DENND1B: variants seen among roughly 807,000 people sequenced by gnomAD.
DENND1B encodes DENN domain-containing protein 1B.
In DENND1B, 59 loss-of-function variants were observed where a neutral mutation model predicts 90.1. The ratio of observed to expected loss-of-function variants is 0.65; its 90% confidence interval spans 0.53 to 0.81. The LOEUF (loss-of-function observed/expected upper bound fraction) is 0.81, where lower values mean the gene tolerates loss of function less well. Among genes scored for constraint, DENND1B ranks in the 40% least tolerant of loss-of-function variants. The pLI, the probability that DENND1B is intolerant of heterozygous loss-of-function variation, is 0.00. For missense variants in DENND1B, 862 were observed against 912.6 expected (o/e 0.94, Z 0.71); for synonymous variants, 337 against 324.6 (o/e 1.04, Z -0.41).
chr1:197,713,798 A>ATAATATATTATATATAATATAT (rs1558432782), intron 3 of DENND1B, among the ~76,000 whole-genome samples: 1 of 35,130 alleles, frequency 2.8e-5, no homozygotes, highest in Non-Finnish European at 5.0e-5. Flanking sequence ...TAATATTATT[A>ATAATATATTATATATAATATAT]TATTATAATA....
intron 10 of DENND1B, among the ~76,000 whole-genome samples, chr1:197,639,323 C>T (rs183090794): frequency 6.6e-6 from 1 of 152,228 alleles, no homozygotes; most frequent in African/African-American, 2.4e-5. Context: ...CTCGGCCTCC[C>T]AAAGTGCTGG....
rs577584001 is a variant in DENND1B at position 197,733,542 on chromosome 1, T to C, written c.83-18468A>G. Among the ~76,000 whole-genome samples, 3 of 152,340 alleles carry C rather than the reference T, an allele frequency of 2.0e-5. No homozygotes were observed. In the East Asian group the frequency reaches 5.8e-4, roughly 29 times the overall value. ...TGTGCAGCAGTCGGATTAGCTCTTC[T>C]CTTCGAGAACAAAAGCTCTGTCTTT... On this transcript the variant is annotated intron_variant, in intron 2 of 22. Coordinates refer to ENST00000620048, the MANE Select transcript of DENND1B (RefSeq NM_001195215.2).
chr1:197,688,673 T>C (rs745417570), intron 3 of DENND1B: 1 of 152,468 alleles, frequency 6.6e-6, no homozygotes, highest in South Asian at 2.1e-4. Flanking sequence ...CTATTCAAAA[T>C]GGACAAAAGA....
intron 10 of DENND1B, among the ~76,000 whole-genome samples, chr1:197,621,785 T>C (rs1321447035): frequency 2.0e-5 from 3 of 151,398 alleles, no homozygotes; most frequent in Non-Finnish European, 3.0e-5. Flanking sequence ...TCTGGCATTA[T>C]ACCCTGAAAC....
chr1:197,590,588 T>C (rs1296882272), intron 14 of DENND1B, among the ~76,000 whole-genome samples: 1 of 152,196 alleles, frequency 6.6e-6, no homozygotes, highest in Non-Finnish European at 1.5e-5. Flanking sequence ...GAGTGTGGAT[T>C]ACACACTGTA....
rs769013183 is a variant in DENND1B at position 197,594,454 on chromosome 1, T to C, written c.1047+754A>G. Among the ~76,000 whole-genome samples, 83 of 152,176 alleles carry C rather than the reference T, an allele frequency of 5.5e-4. 1 individual carries two copies. Among genetic ancestry groups the C allele is most frequent in the Admixed American group, 3.3e-4 (5 of 15,266 alleles). On this transcript the variant is annotated intron_variant, in intron 14 of 22. Transcript: ENST00000620048. ...AATGGGTCAAGGTTACGCAGTTTAG[T>C]AACAACTCCTATTAGATAGCAGGTC...
At chr1:197,622,349 C>A (rs974813373) in intron 10 of DENND1B, among the ~76,000 whole-genome samples, 1 of 151,320 alleles carries the variant, frequency 6.6e-6, no homozygotes, top group African/African-American at 2.4e-5. Context: ...CAACTGCCCA[C>A]GATCACAGAG....
intron 5 of DENND1B, among the ~76,000 whole-genome samples, chr1:197,662,740 G>A (rs1438563142): frequency 6.6e-6 from 1 of 151,948 alleles, no homozygotes; most frequent in Non-Finnish European, 1.5e-5. Context: ...TCAATGACCA[G>A]GCATTTCAGG....
At chr1:197,735,247 T>C in intron 2 of DENND1B, 1 of 1,097,224 alleles carries the variant, frequency 9.1e-7, no homozygotes, top group Non-Finnish European at 1.1e-6. Context: ...GTAAAATGAT[T>C]ACAGTACCAA....
rs71131780 is a variant in DENND1B, at chr1:197,564,395, C to CAAAAAAA, written c.1150-11290_1150-11284dup. The stretch of plus-strand genomic sequence containing the variant: ...ATACTGAGGCAAGAACCTCCACCAG[C>CAAAAAAA]AAAAAAAAAAAAAAAAAAAAAAAAA... On this transcript the variant is annotated intron_variant, in intron 15 of 22. Coordinates refer to ENST00000620048, the MANE Select transcript of DENND1B (RefSeq NM_001195215.2). Among the ~76,000 whole-genome samples the CAAAAAAA allele has an allele frequency of 1.9e-3, 122 of 63,128 alleles. 2 individuals carry two copies. The highest frequency in any genetic ancestry group is 3.3e-3 in the African/African-American group (52 of 15,648). 41.4% of individuals were successfully genotyped at this position (63,128 alleles called of 152,430 possible).
intron 11 of DENND1B, among the ~76,000 whole-genome samples, chr1:197,613,225 G>T (rs1366199895): frequency 6.6e-6 from 1 of 150,636 alleles, no homozygotes; most frequent in East Asian, 2.0e-4. Context: ...CAGACCCAGA[G>T]ATTTCAAAGT....
Position 197,775,250 on chromosome 1 carries a change from A to C in DENND1B, c.-95T>G. 1 of 1,039,416 alleles carries C rather than the reference A, an allele frequency of 9.6e-7. No individual in the cohort carries two copies. Among genetic ancestry groups the C allele is most frequent in the South Asian group, 4.7e-5 (1 of 21,150 alleles). 64.4% of individuals were successfully genotyped at this position (1,039,416 alleles called of 1,614,324 possible). On this transcript the variant is annotated 5_prime_UTR_variant, in exon 1 of 23. Transcript: ENST00000620048. ...CGCGAGGGTCGCGCCGTCCCCGCCC[A>C]CGCCGGCGGCCACACAGGGAAAGAG...
chr1:197,679,261 T>G (rs1347726357), intron 3 of DENND1B, among the ~76,000 whole-genome samples: 1 of 150,252 alleles, frequency 6.7e-6, no homozygotes, highest in Non-Finnish European at 1.5e-5. Context: ...TGAAAAAGAC[T>G]AGATTGGAAG....
chr1:197,664,372 A>C (rs903949010), intron 5 of DENND1B, among the ~76,000 whole-genome samples: 1 of 152,144 alleles, frequency 6.6e-6, no homozygotes, highest in Non-Finnish European at 1.5e-5. Context: ...ACTCTTGCCA[A>C]CATATATAAA....
chr1:197,540,057 ATCT>A lies in DENND1B; in HGVS notation c.1419_1421del (p.Glu473del), dbSNP rs756454439. ...GTACAGAACTAGAACAGGTCCCATA[ATCT>A]TCTTCATTTTCCTACACATGAAAAA... On this transcript the variant is annotated inframe_deletion, in exon 20 of 23. Coordinates refer to ENST00000620048, the MANE Select transcript of DENND1B (RefSeq NM_001195215.2). The A allele has an allele frequency of 2.7e-5, 43 of 1,606,330 alleles. No homozygotes were observed. The highest frequency in any genetic ancestry group is 1.6e-4 in the African/African-American group (12 of 74,706).
intron 5 of DENND1B, among the ~76,000 whole-genome samples, chr1:197,660,028 C>G (rs1572226881): frequency 6.6e-6 from 1 of 151,238 alleles, no homozygotes; most frequent in Non-Finnish European, 1.5e-5. Flanking sequence ...TCCTTAGGAG[C>G]TGAATTAAGA....
intron 10 of DENND1B, among the ~76,000 whole-genome samples, chr1:197,627,670 T>C (rs1022238257): frequency 1.5e-4 from 23 of 152,150 alleles, no homozygotes; most frequent in Non-Finnish European, 3.2e-4. Flanking sequence ...AGTTGGAAGT[T>C]CTGGCCAGGG....
intron 2 of DENND1B, among the ~76,000 whole-genome samples, chr1:197,768,173 G>A (rs766054547): frequency 4.0e-5 from 6 of 148,786 alleles, no homozygotes; most frequent in Non-Finnish European, 7.4e-5. Context: ...CCTCTTCGTC[G>A]TCCTCCTCCT....
At chr1:197,736,030 G>A (rs1010409887) in intron 2 of DENND1B, 3 of 961,404 alleles carry the variant, frequency 3.1e-6, no homozygotes, top group Non-Finnish European at 4.9e-6. Context: ...TGCTGTTAAG[G>A]CACCTACAAA....
Sources: gnomAD v4.1 joint callset for allele counts (sites outside exome capture counted in the v4.1 genomes callset) on GRCh38, gnomAD v4.1.1 for gene constraint, MANE v1.5 for transcripts, NCBI Gene and HGNC (gene_info 2026-07-23, HGNC 2026-07-21) for gene names.